Variants in ATP8A2 observed in about 807,000 individuals in gnomAD.
ATP8A2 encodes ATPase phospholipid transporting 8A2.
Under a neutral mutation model 165.6 loss-of-function variants are expected in ATP8A2, and 100 were observed. That is an observed-to-expected ratio of 0.60 (90% confidence interval 0.51 to 0.71). ATP8A2 has a LOEUF of 0.71. Ranked by LOEUF, ATP8A2 falls within the 30% of genes least tolerant of loss-of-function variation. The pLI is 0.00. For missense variants in ATP8A2, 1,227 were observed against 1,479.5 expected, an observed-to-expected ratio of 0.83 and a Z score of 2.80; for synonymous variants, 543 against 548.8, an observed-to-expected ratio of 0.99 and a Z score of 0.15.
intron 24 of ATP8A2, among the ~76,000 whole-genome samples, chr13:25,678,197 C>A (rs1272248376): frequency 1.2e-4 from 19 of 152,264 alleles, no homozygotes; most frequent in African/African-American, 4.1e-4. Context: ...TTCTGTTAAA[C>A]ACTTGTTGCC....
At chr13:25,687,762 C>T (rs1322043773) in intron 24 of ATP8A2, among the ~76,000 whole-genome samples, 2 of 152,188 alleles carry the variant, frequency 1.3e-5, no homozygotes, top group Non-Finnish European at 2.9e-5. Context: ...TTAGTAAATA[C>T]ACTTCCTGGT....
intron 35 of ATP8A2, among the ~76,000 whole-genome samples, chr13:25,975,294 C>A (rs1311545924): frequency 2.6e-5 from 4 of 152,168 alleles, no homozygotes; most frequent in African/African-American, 9.7e-5. Context: ...TTATTTTCGA[C>A]CGGTTGCGGT....
chr13:25,642,302 A>G (rs575057692), intron 24 of ATP8A2, among the ~76,000 whole-genome samples: 3 of 152,342 alleles, frequency 2.0e-5, no homozygotes, highest in African/African-American at 7.2e-5. Flanking sequence ...CTACCATCAG[A>G]GTGAACAGGC....
intron 35 of ATP8A2, among the ~76,000 whole-genome samples, chr13:26,003,554 C>T (rs1202693952): frequency 6.6e-6 from 1 of 152,062 alleles, no homozygotes; most frequent in Non-Finnish European, 1.5e-5. Context: ...TCTATTTTTG[C>T]TTTTGCTGCC....
intron 25 of ATP8A2, among the ~76,000 whole-genome samples, chr13:25,736,117 C>T (rs987753015): frequency 3.9e-5 from 6 of 152,204 alleles, no homozygotes; most frequent in Non-Finnish European, 5.9e-5. Context: ...GAGCAATAGG[C>T]TGTACCATAT....
At chr13:25,622,020 C>T (rs1309829575) in intron 24 of ATP8A2, among the ~76,000 whole-genome samples, 3 of 151,874 alleles carry the variant, frequency 2.0e-5, no homozygotes, top group African/African-American at 7.3e-5. Flanking sequence ...TAAAAACAGA[C>T]AGTACTAAAA....
intron 33 of ATP8A2, among the ~76,000 whole-genome samples, chr13:25,925,016 C>T (rs1470989587): frequency 5.3e-5 from 8 of 152,190 alleles, no homozygotes; most frequent in East Asian, 1.9e-4. Context: ...GTCTCAGATA[C>T]GTCTTTATTA....
chr13:25,954,516 A>C (rs1405351645), intron 33 of ATP8A2, among the ~76,000 whole-genome samples: 1 of 152,232 alleles, frequency 6.6e-6, no homozygotes, highest in Non-Finnish European at 1.5e-5. Flanking sequence ...GCTAAGGGAC[A>C]GACTGCCTCC....
Position 25,372,288 on chromosome 13 carries a change from G to C in ATP8A2, c.76G>C (p.Gly26Arg). Residue 26 changes from glycine (G) to arginine (R), a missense_variant and splice_region_variant, in exon 1 of 37, where the codon GGA (glycine) becomes CGA (arginine). By Grantham distance (125) the Gly-to-Arg change is moderately radical. Around this residue, in one of 5 missense-constraint regions of ATP8A2, gnomAD observed 356 missense variants for 394.9 expected, o/e 0.90. Coordinates refer to ENST00000381655, the MANE Select transcript of ATP8A2 (RefSeq NM_016529.6). This position sits in a 1 kb window ranked among gnomAD's most constrained non-coding sequence, Gnocchi z 4.8. ...GAGGTCGAGGATCCGCTCGTCCGTGGGTGAGCTGGGAGGGGCGCGGCGAGG... is the reference window on the plus strand; with the variant it reads ...GAGGTCGAGGATCCGCTCGTCCGTGCGTGAGCTGGGAGGGGCGCGGCGAGG... ...PRRSRIRSSV[G>R]PVRSSLGYKK... is the part of the protein sequence containing the mutation. 2.0e-6 allele frequency: 3 copies of C among 1,476,440 alleles called. No homozygotes were observed. Among genetic ancestry groups the C allele is most frequent in the Non-Finnish European group, 1.8e-6 (2 of 1,111,078 alleles). 91.5% of individuals were successfully genotyped at this position (1,476,440 alleles called of 1,614,324 possible).
chr13:25,546,071 T>G (rs9553628), intron 10 of ATP8A2, among the ~76,000 whole-genome samples: 4 of 26,410 alleles, frequency 1.5e-4, no homozygotes, highest in South Asian at 1.2e-3. Context: ...TACACTGGGT[T>G]TTTTTTTTAA....
chr13:25,543,187 G>T (rs1011256942), intron 9 of ATP8A2, 104 bp from the exon 10 acceptor site: 1 of 668,416 alleles, frequency 1.5e-6, no homozygotes. Flanking sequence ...GTTCAAATTG[G>T]AGGAAAGGGA....
intron 35 of ATP8A2, among the ~76,000 whole-genome samples, chr13:26,007,457 G>C (rs930271128): frequency 6.6e-6 from 1 of 152,148 alleles, no homozygotes; most frequent in Non-Finnish European, 1.5e-5. Flanking sequence ...TTCAGAAAAG[G>C]TTGTTCCTAA....
chr13:25,862,154 G>T (rs1952374882), intron 32 of ATP8A2, 147 bp from the exon 33 acceptor site: 2 of 599,138 alleles, frequency 3.3e-6, no homozygotes, highest in Non-Finnish European at 6.1e-6. Context: ...GAATTAGAAA[G>T]ATTGAACTTC....
chr13:25,378,521 C>T (rs1353371907), intron 1 of ATP8A2, among the ~76,000 whole-genome samples: 1 of 152,114 alleles, frequency 6.6e-6, no homozygotes, highest in Non-Finnish European at 1.5e-5. Context: ...ATTTTTAATA[C>T]CCCTTTCTTG....
In ATP8A2 at chr13:25,869,430, C is replaced by T. The variant is rs556469349; in HGVS notation, c.3183+7022C>T. Among the ~76,000 whole-genome samples the T allele has an allele frequency of 1.8e-4, 27 of 152,238 alleles. No homozygotes were observed. The East Asian group carries it at 4.1e-3, about 23-fold the overall frequency. ...GGAATCCTCCTGGATTAAAGTGACC[C>T]GAATCCGATTTCTTTCTTATTTAGT... On this transcript the variant is annotated intron_variant, in intron 33 of 36. Coordinates refer to ENST00000381655, the MANE Select transcript of ATP8A2 (RefSeq NM_016529.6).
chr13:25,629,432 A>G (rs1170720955), intron 24 of ATP8A2, among the ~76,000 whole-genome samples: 2 of 152,200 alleles, frequency 1.3e-5, no homozygotes, highest in African/African-American at 4.8e-5. Flanking sequence ...TTTTCCTTTT[A>G]ATCAGCCGTT....
intron 1 of ATP8A2, among the ~76,000 whole-genome samples, chr13:25,453,112 G>A (rs189909315): frequency 4.6e-5 from 7 of 151,780 alleles, no homozygotes; most frequent in Admixed American, 1.3e-4. Flanking sequence ...AAAAAATAGT[G>A]TTATATGAAC....
chr13:25,479,590 A>C (rs986137872), intron 2 of ATP8A2, among the ~76,000 whole-genome samples: 1 of 152,012 alleles, frequency 6.6e-6, no homozygotes, highest in South Asian at 2.1e-4. Context: ...TCAGCAGATA[A>C]ACAAGTGAAC....
intron 1 of ATP8A2, among the ~76,000 whole-genome samples, chr13:25,400,630 G>C (rs1052177030): frequency 6.6e-6 from 1 of 152,136 alleles, no homozygotes; most frequent in Non-Finnish European, 1.5e-5. Context: ...CGATGACTCC[G>C]GATTATTCTA....
Sources: gnomAD v4.1 joint callset for allele counts (sites outside exome capture counted in the v4.1 genomes callset) on GRCh38, gnomAD v4.1.1 for gene constraint, gnomAD v4.1.1 regional missense constraint, Gnocchi (gnomAD v3.1) non-coding constraint, MANE v1.5 for transcripts, NCBI Gene and HGNC (gene_info 2026-07-23, HGNC 2026-07-21) for gene names.